Variants in NLRP11 observed in about 807,000 individuals in gnomAD.
NLRP11 encodes the protein NACHT, LRR and PYD domains-containing protein 11.
A neutral mutation model predicts 79.3 loss-of-function variants in NLRP11; 53 were observed. The observed-to-expected ratio is 0.67, with a 90% CI of 0.54 to 0.84. NLRP11 has a LOEUF of 0.84. Ranked by LOEUF, NLRP11 falls within the 40% of genes least tolerant of loss-of-function variation. NLRP11 has a pLI of 0.00. For synonymous variants in NLRP11, 518 were observed against 462.6 expected, an observed-to-expected ratio of 1.12 and a Z score of -1.54; for missense variants, 1,264 against 1,255.0, an observed-to-expected ratio of 1.01 and a Z score of -0.11.
At chr19:55,813,358 C>G (rs945424545) in intron 2 of NLRP11, among the ~76,000 whole-genome samples, 1 of 152,090 alleles carries the variant, frequency 6.6e-6, no homozygotes. Context: ...GTTTCTTGAC[C>G]TGTAGTTTCC....
At position 55,807,967 on chromosome 19, in the gene NLRP11, T is replaced by TA. The variant is rs1568635513; in HGVS notation, c.1888dup (p.Tyr630LeufsTer13). On this transcript the variant is annotated frameshift_variant, in exon 4 of 10. Coordinates refer to ENST00000589093, the Ensembl canonical transcript of NLRP11. LOFTEE classifies it high-confidence loss of function. Reference sequence around the variant, plus strand: ...CAGCTCCCGGAGGCTCTCCATTGTATAAAAAAGAGAGCAGATCTCTCTCCA... The same window carrying TA: ...CAGCTCCCGGAGGCTCTCCATTGTATAAAAAAAGAGAGCAGATCTCTCTCCA... 1.2e-6 allele frequency: 2 copies of TA among 1,612,524 alleles called. No individual in the cohort carries two copies. Among genetic ancestry groups the TA allele is most frequent in the Non-Finnish European group, 1.7e-6 (2 of 1,178,766 alleles).
chr19:55,794,699 G>GCA (rs1341784756), intron 6 of NLRP11, among the ~76,000 whole-genome samples: 5 of 152,082 alleles, frequency 3.3e-5, no homozygotes, highest in Non-Finnish European at 7.4e-5. Context: ...GGCGGAGCTT[G>GCA]CAGTGAGCCG....
At chr19:55,810,053 A>G in exon 3 of NLRP11, 1 of 1,614,122 alleles carries the variant, frequency 6.2e-7, no homozygotes, top group Non-Finnish European at 8.5e-7. Context: ...GTGAGCAGTG[A>G]GGTGAACGAC....
intron 1 of NLRP11, among the ~76,000 whole-genome samples, chr19:55,818,707 A>T (rs1981379902): frequency 6.6e-6 from 1 of 152,192 alleles, no homozygotes. Context: ...ATTGATACGT[A>T]TAAGGACTCC....
intron 8 of NLRP11, 93 bp from the exon 9 acceptor site, chr19:55,789,070 C>T (rs570150175): frequency 6.7e-7 from 1 of 1,491,196 alleles, no homozygotes; most frequent in African/African-American, 1.4e-5. Flanking sequence ...CTAGATCCCT[C>T]CAAGTTTTGG....
intron 9 of NLRP11, among the ~76,000 whole-genome samples, chr19:55,787,326 A>G (rs73933371): frequency 0.082 from 12,537 of 152,216 alleles, 1,258 homozygotes; most frequent in African/African-American, 0.24. Flanking sequence ...TGCCTCTAGC[A>G]TAAGCAAGAC....
exon 7 of NLRP11, chr19:55,792,387 G>A: frequency 6.2e-7 from 1 of 1,613,996 alleles, no homozygotes; most frequent in South Asian, 1.1e-5. Context: ...TCACACACAG[G>A]TCTAGTTGTC....
chr19:55,801,876 A>C, intron 4 of NLRP11, 137 bp from the exon 5 acceptor site: 2 of 711,884 alleles, frequency 2.8e-6, no homozygotes, highest in Non-Finnish European at 4.7e-6. Context: ...CTCGATCTTA[A>C]ATTTCTAGTC....
At chr19:55,819,164 C>G (rs1427043926) in intron 1 of NLRP11, among the ~76,000 whole-genome samples, 1 of 137,542 alleles carries the variant, frequency 7.3e-6, no homozygotes, top group Non-Finnish European at 1.5e-5. Flanking sequence ...CACACACACA[C>G]ACACACACAC....
chr19:55,787,340 T>C (rs1025321500), intron 9 of NLRP11, among the ~76,000 whole-genome samples: 1 of 152,190 alleles, frequency 6.6e-6, no homozygotes, highest in Non-Finnish European at 1.5e-5. Context: ...GCAAGACCTG[T>C]GATTTGCTTC....
rs1476428209 is a variant in NLRP11, at chr19:55,809,393, AAC to A, written c.1215_1216del (p.Phe406SerfsTer9). On this transcript the variant is annotated frameshift_variant, in exon 3 of 10. Coordinates refer to ENST00000589093, the Ensembl canonical transcript of NLRP11. LOFTEE classifies it high-confidence loss of function. The surrounding 1 kb of genome is among the most constrained non-coding windows in gnomAD (Gnocchi z 4.5). ...ACCACTGAAATTCAGGGTGCTCAGA[AAC>A]AGTCCTCCTGCAGCCAGCAAACACA... is the stretch of plus-strand genomic sequence containing the variant. The A allele has an allele frequency of 2.5e-6, 4 of 1,614,194 alleles. No homozygotes were observed. Among genetic ancestry groups the A allele is most frequent in the Non-Finnish European group, 3.4e-6 (4 of 1,180,042 alleles).
chr19:55,800,612 G>C (rs1979387158), intron 5 of NLRP11, among the ~76,000 whole-genome samples: 1 of 152,108 alleles, frequency 6.6e-6, no homozygotes, highest in Non-Finnish European at 1.5e-5. Context: ...ACCAGGCTTG[G>C]CTAGTTTAAA....
At chr19:55,794,746 C>T (rs918166272) in intron 6 of NLRP11, among the ~76,000 whole-genome samples, 1 of 151,102 alleles carries the variant, frequency 6.6e-6, no homozygotes, top group Non-Finnish European at 1.5e-5. Context: ...GGCAATACAG[C>T]GAGACTCCGT....
intron 1 of NLRP11, among the ~76,000 whole-genome samples, chr19:55,829,220 A>G (rs1406310092): frequency 6.6e-6 from 1 of 151,404 alleles, no homozygotes; most frequent in Non-Finnish European, 1.5e-5. Flanking sequence ...TTTTTGAGGA[A>G]CCTATGAAGC....
intron 5 of NLRP11, among the ~76,000 whole-genome samples, chr19:55,800,004 T>A (rs1249741059): frequency 6.6e-6 from 1 of 151,140 alleles, no homozygotes; most frequent in Non-Finnish European, 1.5e-5. Context: ...AAGAAAGGGA[T>A]GAAGGGGGTG....
intron 1 of NLRP11, among the ~76,000 whole-genome samples, chr19:55,830,791 C>T (rs1982687324): frequency 7.7e-6 from 1 of 129,512 alleles, no homozygotes; most frequent in Non-Finnish European, 1.6e-5. Context: ...AGGTGATCTC[C>T]AACACCTGCA....
At chr19:55,789,589 C>T (rs7253104) in intron 7 of NLRP11, among the ~76,000 whole-genome samples, 190 bp from the exon 8 acceptor site, 12,996 of 152,240 alleles carry the variant, frequency 0.085, 1,267 homozygotes, top group African/African-American at 0.24. Flanking sequence ...TCCTAATGCA[C>T]ATTAAACTCA....
chr19:55,785,492 GTCACACACACACACACACACACACAC>G (rs1168973402), exon 10 of NLRP11: 5 of 652,306 alleles, frequency 7.7e-6, no homozygotes, highest in South Asian at 4.1e-5. Flanking sequence ...CTGGATCAAG[GTCACACACACACACACACACACACAC>G]ACACACACAC....
chr19:55,823,641 T>C (rs1982032824), intron 1 of NLRP11, among the ~76,000 whole-genome samples: 1 of 147,014 alleles, frequency 6.8e-6, no homozygotes, highest in Admixed American at 6.9e-5. Flanking sequence ...GCCGATACGA[T>C]CAACTGGAAG....
Sources: gnomAD v4.1 joint callset for allele counts (sites outside exome capture counted in the v4.1 genomes callset) on GRCh38, gnomAD v4.1.1 for gene constraint, Gnocchi (gnomAD v3.1) non-coding constraint, MANE v1.5 for transcripts, NCBI Gene and HGNC (gene_info 2026-07-23, HGNC 2026-07-21) for gene names.